The following CHODL variants were observed in gnomAD, a reference collection of about 807,000 sequenced individuals.
CHODL encodes chondrolectin, also known as transmembrane protein MT75.
A neutral mutation model predicts 34.5 loss-of-function variants in CHODL; 29 were observed. The ratio of observed to expected loss-of-function variants is 0.84; its 90% CI spans 0.63 to 1.15. CHODL has a LOEUF of 1.15. Ranked by LOEUF, CHODL falls within the 50% of genes most tolerant of loss-of-function variation. The pLI is 0.00. For synonymous variants in CHODL, 125 were observed against 116.1 expected (o/e 1.08, Z -0.49); for missense variants, 332 against 332.5 (o/e 1.00, Z 0.01).
intron 2 of CHODL, among the ~76,000 whole-genome samples, chr21:18,035,511 T>A (rs2146445697): frequency 6.6e-6 from 1 of 152,134 alleles, no homozygotes; most frequent in East Asian, 1.9e-4. Context: ...GAATTTGGAA[T>A]ATTTTAGGCC....
At chr21:18,102,459 A>G (rs1688165) in intron 2 of CHODL, among the ~76,000 whole-genome samples, 71,747 of 151,988 alleles carry the variant, frequency 0.47, 17,759 homozygotes, top group African/African-American at 0.54. Context: ...GAGGGTAGTG[A>G]GCAAGGTCAA....
intron 1 of CHODL, among the ~76,000 whole-genome samples, chr21:17,926,425 A>G (rs551619914): frequency 6.2e-5 from 9 of 144,818 alleles, no homozygotes; most frequent in South Asian, 4.4e-4. Flanking sequence ...TCATACTTCT[A>G]TGAAGAAATA....
chr21:18,261,118 C>T (rs181247094), intron 4 of CHODL, among the ~76,000 whole-genome samples: 140 of 152,216 alleles, frequency 9.2e-4, no homozygotes, highest in Non-Finnish European at 1.6e-3. Context: ...TAGATAAAAG[C>T]TTTATCTACA....
intron 1 of CHODL, 45 bp from the exon 2 acceptor site, chr21:18,256,463 TA>T: frequency 6.6e-7 from 1 of 1,511,258 alleles, no homozygotes; most frequent in Non-Finnish European, 8.9e-7. Flanking sequence ...TTGTTACAAA[TA>T]GAGTTCCGAT....
At chr21:18,172,612 AT>A (rs1408030812) in intron 2 of CHODL, among the ~76,000 whole-genome samples, 2 of 151,876 alleles carry the variant, frequency 1.3e-5, no homozygotes, top group Non-Finnish European at 2.9e-5. Context: ...AATTGGTACT[AT>A]TTTGGTTACT....
intron 2 of CHODL, among the ~76,000 whole-genome samples, chr21:18,076,616 A>C (rs1600971644): frequency 6.6e-6 from 1 of 152,208 alleles, no homozygotes; most frequent in African/African-American, 2.4e-5. Flanking sequence ...TATCTGGGAG[A>C]GAACACAAAG....
chr21:18,081,311 T>C (rs778704861), intron 2 of CHODL, among the ~76,000 whole-genome samples: 7 of 152,130 alleles, frequency 4.6e-5, no homozygotes, highest in Non-Finnish European at 8.8e-5. Context: ...CTTTTCCAAT[T>C]TGGATGCTTT....
intron 1 of CHODL, among the ~76,000 whole-genome samples, chr21:17,926,183 A>G (rs2063220606): frequency 6.6e-6 from 1 of 152,182 alleles, no homozygotes; most frequent in Non-Finnish European, 1.5e-5. Flanking sequence ...AACTAATTAA[A>G]CATAACATGT....
intron 1 of CHODL, among the ~76,000 whole-genome samples, chr21:18,011,091 A>G (rs2064015011): frequency 6.6e-6 from 1 of 151,546 alleles, no homozygotes; most frequent in Non-Finnish European, 1.5e-5. Flanking sequence ...TGTATGTAAT[A>G]CTACCATTTT....
chr21:18,058,541 C>T (rs565816179), intron 2 of CHODL, among the ~76,000 whole-genome samples: 30 of 152,176 alleles, frequency 2.0e-4, no homozygotes, highest in East Asian at 3.9e-4. Context: ...CATGGCAACA[C>T]GGATGAGCTT....
intron 2 of CHODL, among the ~76,000 whole-genome samples, chr21:18,127,667 C>T (rs927773837): frequency 8.3e-6 from 1 of 120,148 alleles, no homozygotes; most frequent in Non-Finnish European, 1.7e-5. Flanking sequence ...AGTTGCGTTG[C>T]CATTGTTTTT....
chr21:17,985,903 G>A (rs2063749949), intron 1 of CHODL, among the ~76,000 whole-genome samples: 1 of 152,150 alleles, frequency 6.6e-6, no homozygotes, highest in Non-Finnish European at 1.5e-5. Context: ...TTCACTGTCT[G>A]ATGAGGGCCT....
At chr21:18,045,079 G>A (rs1418367369) in intron 2 of CHODL, among the ~76,000 whole-genome samples, 1 of 151,852 alleles carries the variant, frequency 6.6e-6, no homozygotes, top group Non-Finnish European at 1.5e-5. Flanking sequence ...ACAGTAACAA[G>A]GAAAGGCCAT....
At chr21:17,923,824 A>T (rs1426775538) in intron 1 of CHODL, among the ~76,000 whole-genome samples, 1 of 152,198 alleles carries the variant, frequency 6.6e-6, no homozygotes, top group East Asian at 1.9e-4. Context: ...AAGTAGCCCT[A>T]TAATTTAGAA....
intron 1 of CHODL, chr21:18,022,235 C>T (rs1218019634): frequency 6.6e-6 from 1 of 152,204 alleles, no homozygotes. Context: ...GAAAGATTTC[C>T]TCCCTTGAAT....
intron 1 of CHODL, among the ~76,000 whole-genome samples, chr21:18,012,333 G>A (rs2064027008): frequency 6.6e-6 from 1 of 152,150 alleles, no homozygotes; most frequent in Non-Finnish European, 1.5e-5. Context: ...CAATCTCTAT[G>A]TCAGGCCTTT....
intron 2 of CHODL, among the ~76,000 whole-genome samples, chr21:18,156,142 T>G (rs1342143641): frequency 2.0e-5 from 3 of 152,306 alleles, no homozygotes; most frequent in Admixed American, 6.5e-5. Flanking sequence ...CTGGGATAAT[T>G]TTTTGATGAA....
At chr21:17,963,624 C>T (rs191020792) in intron 1 of CHODL, among the ~76,000 whole-genome samples, 12 of 152,270 alleles carry the variant, frequency 7.9e-5, no homozygotes, top group African/African-American at 2.2e-4. Context: ...CTGGGTCCCT[C>T]CCATGACATG....
chr21:18,133,158 T>C (rs2072678036), intron 2 of CHODL, among the ~76,000 whole-genome samples: 1 of 152,188 alleles, frequency 6.6e-6, no homozygotes, highest in South Asian at 2.1e-4. Context: ...TTTAAGGGCT[T>C]TCTGGCAGTT....
Sources: allele counts gnomAD v4.1 joint callset (sites outside exome capture counted in the v4.1 genomes callset), GRCh38; gene constraint gnomAD v4.1.1; transcripts MANE v1.5; gene names NCBI Gene and HGNC (gene_info 2026-07-23, HGNC 2026-07-21).